Variants in TTC33 observed in about 807,000 individuals in gnomAD.
TTC33 encodes tetratricopeptide repeat protein 33.
Under a neutral mutation model 29.4 loss-of-function variants are expected in TTC33, and 24 were observed. The ratio of observed to expected loss-of-function variants is 0.82; its 90% CI spans 0.59 to 1.15. The LOEUF is 1.15. TTC33 is among the 50% of genes most tolerant of loss of function. The pLI, the probability that TTC33 is intolerant of heterozygous loss-of-function variation, is 0.00. For missense variants in TTC33, 286 were observed against 310.4 expected, an observed-to-expected ratio of 0.92 and a Z score of 0.59; for synonymous variants, 107 against 100.3, an observed-to-expected ratio of 1.07 and a Z score of -0.40.
At chr5:40,744,358 TAA>T (rs1363991901) in intron 2 of TTC33, among the ~76,000 whole-genome samples, 1 of 152,134 alleles carries the variant, frequency 6.6e-6, no homozygotes, top group East Asian at 1.9e-4. Context: ...TGTTTTATAT[TAA>T]GTTATAATAA....
chr5:40,743,698 T>C (rs1363297250), intron 2 of TTC33, among the ~76,000 whole-genome samples: 2 of 152,058 alleles, frequency 1.3e-5, no homozygotes, highest in East Asian at 3.9e-4. Context: ...TGCTTAAACC[T>C]AGGAGAAGGA....
At position 40,720,593 on chromosome 5, in the gene TTC33, A is replaced by G. The variant is rs249411; in HGVS notation, c.436-4095T>C. On this transcript the variant is annotated intron_variant, in intron 4 of 4. Transcript: ENST00000337702. Reference sequence around the variant, plus strand: ...ACTTCACAAAACAAAATGGCAGAGGAGTAGCATCAGCAAGATGGCAGAGTG... The same window carrying G: ...ACTTCACAAAACAAAATGGCAGAGGGGTAGCATCAGCAAGATGGCAGAGTG... Among the ~76,000 whole-genome samples, 164 of 152,338 alleles carry G rather than the reference A, an allele frequency of 1.1e-3. 1 individual carries two copies. In the East Asian group the frequency reaches 0.026, roughly 25 times the overall value.
intron 2 of TTC33, among the ~76,000 whole-genome samples, chr5:40,736,711 T>G (rs1742559228): frequency 6.6e-6 from 1 of 152,220 alleles, no homozygotes; most frequent in African/African-American, 2.4e-5. Flanking sequence ...TAGCATGCTT[T>G]TACATGGACT....
At chr5:40,730,615 C>G (rs1027343809) in intron 2 of TTC33, among the ~76,000 whole-genome samples, 1 of 152,144 alleles carries the variant, frequency 6.6e-6, no homozygotes, top group Non-Finnish European at 1.5e-5. Flanking sequence ...CCTCCACCCC[C>G]GGGCAAACAC....
At chr5:40,724,658 A>G (rs1687657186) in intron 4 of TTC33, among the ~76,000 whole-genome samples, 1 of 152,042 alleles carries the variant, frequency 6.6e-6, no homozygotes, top group South Asian at 2.1e-4. Context: ...AAACAAACAA[A>G]AAAAAACAGA....
At chr5:40,735,644 G>A (rs1198023112) in intron 2 of TTC33, among the ~76,000 whole-genome samples, 1 of 152,202 alleles carries the variant, frequency 6.6e-6, no homozygotes, top group African/African-American at 2.4e-5. Context: ...CACAAACACA[G>A]ATGATTGTTG....
At position 40,728,476 on chromosome 5, in the gene TTC33, C is replaced by A. The variant is rs147596800; in HGVS notation, c.304G>T (p.Val102Leu). The A allele has an allele frequency of 6.3e-7, 1 of 1,591,430 alleles. No individual in the cohort carries two copies. The highest frequency in any genetic ancestry group is 1.2e-5 in the South Asian group (1 of 86,272). ...DATLYEMKSQ[V>L]LMSLHEMFPA... ...AACATTTCATGAAGAGACATTAGCA[C>A]CTATAGGCAAAAAAAGACCAAAAAA... Residue 102 changes from valine (V) to leucine (L), a missense_variant and splice_region_variant, in exon 4 of 5, where the codon GTG becomes TTG. Val to Leu is a conservative substitution (Grantham distance 32, BLOSUM62 1). Transcript: ENST00000337702.
chr5:40,717,179 A>G (rs1173176589), intron 4 of TTC33, among the ~76,000 whole-genome samples: 1 of 149,644 alleles, frequency 6.7e-6, no homozygotes, highest in Admixed American at 6.8e-5. Context: ...CAGTGAGTTG[A>G]GATCACGCCA....
chr5:40,730,826 T>A (rs1237283230), intron 2 of TTC33, among the ~76,000 whole-genome samples: 1 of 152,166 alleles, frequency 6.6e-6, no homozygotes, highest in East Asian at 1.9e-4. Flanking sequence ...TGGGTTCATA[T>A]GTAACAGATA....
In TTC33 at chr5:40,728,348, G is replaced by A. The variant is rs769109437; in HGVS notation, c.432C>T (p.Ile144=). 6 of 1,583,676 alleles carry A rather than the reference G, an allele frequency of 3.8e-6. No homozygotes were observed. The East Asian group carries it at 1.4e-4, about 36-fold the overall frequency. ...TATAATAATCTGACTTCCTCACCAG[G>A]ATTATCTCTCCTAAACCAAGTTGAG... ...GRAQLGLGEI[I]LAIRSFQVAL... Residue 144 remains isoleucine (I), a synonymous_variant, in exon 4 of 5, where the codon ATC becomes ATT. Coordinates refer to ENST00000337702, the MANE Select transcript of TTC33 (RefSeq NM_012382.3).
intron 2 of TTC33, among the ~76,000 whole-genome samples, chr5:40,741,007 C>A (rs1040371413): frequency 6.6e-6 from 1 of 152,078 alleles, no homozygotes; most frequent in Non-Finnish European, 1.5e-5. Flanking sequence ...AGTTGTATTA[C>A]CATTTTAATC....
intron 4 of TTC33, among the ~76,000 whole-genome samples, chr5:40,718,577 T>C (rs1742056479): frequency 6.6e-6 from 1 of 151,840 alleles, no homozygotes; most frequent in African/African-American, 2.4e-5. Flanking sequence ...CTGTCTCTAC[T>C]AAAAATACAA....
intron 4 of TTC33, among the ~76,000 whole-genome samples, chr5:40,724,853 A>ATT (rs369051268): frequency 3.6e-5 from 5 of 138,144 alleles, no homozygotes; most frequent in African/African-American, 1.1e-4. Flanking sequence ...TTACAAGTGG[A>ATT]TTTTTTTTTT....
At chr5:40,729,118 G>A (rs1742363679) in intron 3 of TTC33, among the ~76,000 whole-genome samples, 1 of 152,048 alleles carries the variant, frequency 6.6e-6, no homozygotes, top group South Asian at 2.1e-4. Context: ...ATTATTATCA[G>A]GTTCCAAATT....
At chr5:40,727,686 C>T (rs1246337620) in intron 4 of TTC33, among the ~76,000 whole-genome samples, 1 of 152,200 alleles carries the variant, frequency 6.6e-6, no homozygotes, top group African/African-American at 2.4e-5. Flanking sequence ...GATACTAATA[C>T]CACTTTATAA....
At position 40,715,872 on chromosome 5, in the gene TTC33, T is replaced by G. The variant is rs1741986075; in HGVS notation, c.*273A>C. The G allele has an allele frequency of 3.1e-6, 1 of 323,090 alleles. No individual in the cohort carries two copies. The highest frequency in any genetic ancestry group is 5.6e-6 in the Non-Finnish European group (1 of 178,542). 20.0% of individuals were successfully genotyped at this position (323,090 alleles called of 1,614,324 possible). On this transcript the variant is annotated 3_prime_UTR_variant, in exon 5 of 5. Coordinates refer to ENST00000337702, the MANE Select transcript of TTC33 (RefSeq NM_012382.3). ...CATTTTTCAAGTTTTGTCTTTAAAA[T>G]GTATTCATTTACATATTCAGATTAA...
chr5:40,743,257 G>A (rs1561153420), intron 2 of TTC33, among the ~76,000 whole-genome samples: 1 of 152,078 alleles, frequency 6.6e-6, no homozygotes, highest in Non-Finnish European at 1.5e-5. Context: ...AGGAAGACAG[G>A]CAGCAGAAAA....
At chr5:40,751,157 C>G (rs1209992633) in intron 1 of TTC33, among the ~76,000 whole-genome samples, 2 of 152,180 alleles carry the variant, frequency 1.3e-5, no homozygotes, top group Admixed American at 6.5e-5. Context: ...CTATCTATGG[C>G]AGCTATAGCC....
intron 1 of TTC33, among the ~76,000 whole-genome samples, chr5:40,754,088 G>C (rs1579696741): frequency 6.6e-6 from 1 of 152,206 alleles, no homozygotes; most frequent in East Asian, 1.9e-4. Flanking sequence ...ATAAATGCTG[G>C]GGACAAGTAT....
Sources: allele counts gnomAD v4.1 joint callset (sites outside exome capture counted in the v4.1 genomes callset), GRCh38; gene constraint gnomAD v4.1.1; transcripts MANE v1.5; gene names NCBI Gene and HGNC (gene_info 2026-07-23, HGNC 2026-07-21).